Variants in AKAP6 observed in about 807,000 individuals in gnomAD.
The protein encoded by AKAP6 is A-kinase anchor protein 6.
Under a neutral mutation model 188.5 loss-of-function variants are expected in AKAP6, and 58 were observed. The observed-to-expected ratio is 0.31, with a 90% CI of 0.25 to 0.38. The LOEUF (loss-of-function observed/expected upper bound fraction) is 0.38. Among genes scored for constraint, AKAP6 ranks in the 10% least tolerant of loss-of-function variants. The pLI, the probability that AKAP6 is intolerant of heterozygous loss-of-function variation, is 1.00. For synonymous variants in AKAP6, 989 were observed against 998.6 expected (o/e 0.99, Z 0.18); for missense variants, 2,710 against 2,740.0 (o/e 0.99, Z 0.24).
In AKAP6 at chr14:32,621,218, T is replaced by C. The variant is rs189910966; in HGVS notation, c.2730+20426T>C. 4.4e-3 allele frequency among the ~76,000 whole-genome samples: 666 copies of C among 152,142 alleles called. 6 individuals carry two copies. Among genetic ancestry groups the C allele is most frequent in the African/African-American group, 0.015 (625 of 41,542 alleles). ...TTTTTATTTCTTTTCTTCTGCTAGG[T>C]TTGAGTTTGGTTTGTTCTTATTTCT... On this transcript the variant is annotated intron_variant, in intron 7 of 13. Coordinates refer to ENST00000280979, the MANE Select transcript of AKAP6 (RefSeq NM_004274.5).
intron 2 of AKAP6, among the ~76,000 whole-genome samples, chr14:32,472,316 G>A (rs10146289): frequency 0.45 from 68,033 of 151,872 alleles, 15,513 homozygotes; most frequent in South Asian, 0.7. Context: ...GTCCCAGGGA[G>A]GGTCTCAGCT....
At chr14:32,757,604 G>A (rs938783911) in intron 11 of AKAP6, among the ~76,000 whole-genome samples, 1 of 152,220 alleles carries the variant, frequency 6.6e-6, no homozygotes. Flanking sequence ...AGTATAAGTA[G>A]AGATATTTTT....
chr14:32,782,887 C>T lies in AKAP6; in HGVS notation c.3588+8994C>T, dbSNP rs536407008. 2.3e-3 allele frequency among the ~76,000 whole-genome samples: 336 copies of T among 146,654 alleles called. 2 individuals are homozygous for T. The highest frequency in any genetic ancestry group is 7.8e-3 in the African/African-American group (312 of 40,128). On this transcript the variant is annotated intron_variant, in intron 12 of 13. Coordinates refer to ENST00000280979, the MANE Select transcript of AKAP6 (RefSeq NM_004274.5). ...GAAAATCTCTGTGATTTTTTTTTTT[C>T]GTAAAAATTTGTAAGCTGATTCTAA... is the stretch of plus-strand genomic sequence containing the variant.
At chr14:32,559,783 CTTT>C (rs35914295) in intron 4 of AKAP6, among the ~76,000 whole-genome samples, 5 of 119,048 alleles carry the variant, frequency 4.2e-5, no homozygotes, top group African/African-American at 3.1e-5. Flanking sequence ...TAAGCCTAAT[CTTT>C]TTTTTTTTTT....
chr14:32,335,410 T>A (rs143645206), intron 1 of AKAP6, among the ~76,000 whole-genome samples: 38 of 152,244 alleles, frequency 2.5e-4, no homozygotes, highest in African/African-American at 8.2e-4. Flanking sequence ...GCCCTGTAGA[T>A]GTTTGAGTTT....
intron 5 of AKAP6, among the ~76,000 whole-genome samples, chr14:32,590,031 TAA>T (rs1885422549): frequency 6.6e-6 from 1 of 152,210 alleles, no homozygotes; most frequent in Non-Finnish European, 1.5e-5. Flanking sequence ...TAAATAATAT[TAA>T]GTTAAAATTC....
intron 2 of AKAP6, 79 bp from the exon 3 acceptor site, chr14:32,535,459 TTGGTGTTAGGTAAGAG>T (rs1882629091): frequency 2.1e-6 from 3 of 1,401,428 alleles, no homozygotes; most frequent in Non-Finnish European, 2.9e-6. Flanking sequence ...GCCCTGATAA[TTGGTGTTAGGTAAGAG>T]TGTACTTTTC....
intron 7 of AKAP6, among the ~76,000 whole-genome samples, chr14:32,641,426 T>C (rs1454422017): frequency 1.4e-5 from 2 of 139,518 alleles, no homozygotes; most frequent in African/African-American, 2.7e-5. Flanking sequence ...TTGCCAGAGC[T>C]CAGGAGTTCA....
rs764334593 is a variant in AKAP6, at chr14:32,678,322, A to G, written c.2742A>G (p.Gln914=). The G allele has an allele frequency of 6.8e-6, 11 of 1,609,884 alleles. No homozygotes were observed. The East Asian group carries it at 2.0e-4, about 29-fold the overall frequency. The stretch of plus-strand genomic sequence containing the variant: ...GTTTCTCTTTCCAGGCTGAGGTTCA[A>G]CTATGCTACCTGGAAGCACAAAGAG... ...EGTGSPKAEV[Q]LCYLEAQRDA... The change falls in exon 8 of 14, where the codon CAA becomes CAG. Residue 914 remains glutamine, a synonymous_variant. Transcript: ENST00000280979.
chr14:32,782,185 G>GGGAC lies in AKAP6; in HGVS notation c.3588+8295_3588+8296insCGGA, dbSNP rs1231496813. Among the ~76,000 whole-genome samples the GGGAC allele has an allele frequency of 6.5e-5, 9 of 139,366 alleles. No individual in the cohort carries two copies. In the East Asian group the frequency reaches 1.7e-3, roughly 26 times the overall value. The allele number at this position is 139,366 out of a possible 152,430, so 91.4% of individuals were successfully genotyped here. A position where few individuals can be genotyped will look rare whatever the true frequency, so the allele number is the denominator to read the frequency against. On this transcript the variant is annotated intron_variant, in intron 12 of 13. Transcript: ENST00000280979. ...GTCTCAAAAAAAGGAAAGAAAGGAA[G>GGGAC]GGAGGGAGGGAGGGAGGGAGGGAGG...
chr14:32,704,701 A>C (rs1890743094), intron 9 of AKAP6, among the ~76,000 whole-genome samples: 2 of 152,194 alleles, frequency 1.3e-5, no homozygotes, highest in African/African-American at 4.8e-5. Flanking sequence ...AAAGAGTATC[A>C]AAATTTAAAG....
chr14:32,732,420 C>T (rs2031218060), intron 9 of AKAP6, 34 bp from the exon 10 acceptor site: 3 of 1,596,128 alleles, frequency 1.9e-6, no homozygotes, highest in Non-Finnish European at 2.6e-6. Flanking sequence ...CACCTCTCTC[C>T]CTAATGATAT....
At chr14:32,795,843 C>G (rs2033753140) in intron 12 of AKAP6, among the ~76,000 whole-genome samples, 1 of 152,144 alleles carries the variant, frequency 6.6e-6, no homozygotes. Context: ...GAAGTCAAAT[C>G]ATCTTTGTTT....
intron 1 of AKAP6, among the ~76,000 whole-genome samples, chr14:32,362,419 A>G (rs1887694030): frequency 6.6e-6 from 1 of 152,204 alleles, no homozygotes; most frequent in Non-Finnish European, 1.5e-5. Context: ...AAATGTGGCA[A>G]ATGAACTCTG....
intron 11 of AKAP6, among the ~76,000 whole-genome samples, chr14:32,772,270 G>A (rs1051271541): frequency 1.4e-4 from 21 of 152,106 alleles, no homozygotes; most frequent in Admixed American, 1.3e-4. Context: ...AAAGAAATTT[G>A]TCAGACATGG....
chr14:32,633,356 A>G (rs1483677736), intron 7 of AKAP6, among the ~76,000 whole-genome samples: 1 of 152,134 alleles, frequency 6.6e-6, no homozygotes, highest in African/African-American at 2.4e-5. Context: ...GCTTTAATTT[A>G]TAGTGACAGC....
At chr14:32,367,613 G>T (rs1379345576) in intron 1 of AKAP6, among the ~76,000 whole-genome samples, 2 of 152,088 alleles carry the variant, frequency 1.3e-5, no homozygotes, top group South Asian at 4.2e-4. Flanking sequence ...GCATTTTTAT[G>T]ATTCATATTT....
At chr14:32,508,265 A>G (rs1880976538) in intron 2 of AKAP6, among the ~76,000 whole-genome samples, 1 of 152,220 alleles carries the variant, frequency 6.6e-6, no homozygotes, top group Admixed American at 6.5e-5. Context: ...TATTAAATTC[A>G]GTGAAGAATG....
intron 11 of AKAP6, among the ~76,000 whole-genome samples, chr14:32,746,465 C>A (rs1298923784): frequency 5.3e-5 from 8 of 152,112 alleles, no homozygotes; most frequent in Non-Finnish European, 1.5e-5. Flanking sequence ...GAGATGTCAT[C>A]TGGGAGCTAG....
Sources: gnomAD v4.1 joint callset for allele counts (sites outside exome capture counted in the v4.1 genomes callset) on GRCh38, gnomAD v4.1.1 for gene constraint, MANE v1.5 for transcripts, NCBI Gene and HGNC (gene_info 2026-07-23, HGNC 2026-07-21) for gene names.